The following EYS variants were observed in gnomAD, a reference collection of about 807,000 sequenced individuals.
The protein encoded by EYS is EGF-like photoreceptor maintenance factor.
EYS carries 250 observed loss-of-function variants against 282.1 expected under a neutral mutation model. The ratio of observed to expected loss-of-function variants is 0.89; its 90% CI spans 0.80 to 0.98. The LOEUF is 0.98. Ranked by LOEUF, EYS falls within the 50% of genes least tolerant of loss-of-function variation. The pLI, the probability that EYS is intolerant of heterozygous loss-of-function variation, is 0.00. For missense variants in EYS, 4,016 were observed against 3,709.0 expected, an observed-to-expected ratio of 1.08 and a Z score of -2.15; for synonymous variants, 1,355 against 1,282.9, an observed-to-expected ratio of 1.06 and a Z score of -1.20.
chr6:64,917,530 T>TTG (rs1159111741), intron 15 of EYS, among the ~76,000 whole-genome samples: 1 of 152,138 alleles, frequency 6.6e-6, no homozygotes, highest in Non-Finnish European at 1.5e-5. Flanking sequence ...CAGTAAAATG[T>TTG]TGTTTATCAG....
At chr6:64,781,106 G>A (rs879790554) in intron 22 of EYS, among the ~76,000 whole-genome samples, 3 of 151,780 alleles carry the variant, frequency 2.0e-5, no homozygotes, top group Non-Finnish European at 4.4e-5. Context: ...ATTCTTACCA[G>A]GAGAGGATAG....
intron 22 of EYS, among the ~76,000 whole-genome samples, chr6:64,783,837 T>G (rs1773936341): frequency 6.6e-6 from 1 of 152,160 alleles, no homozygotes; most frequent in Non-Finnish European, 1.5e-5. Flanking sequence ...AAAAGTAGAT[T>G]CGAACTTTCT....
chr6:63,878,854 G>A (rs575544107), intron 35 of EYS, among the ~76,000 whole-genome samples: 3 of 152,260 alleles, frequency 2.0e-5, no homozygotes, highest in Admixed American at 1.3e-4. Flanking sequence ...GGAGTGTCCC[G>A]ATTTTCCAGG....
chr6:64,438,987 T>G (rs1774843249), intron 27 of EYS, among the ~76,000 whole-genome samples, 175 bp downstream of exon 27: 1 of 151,698 alleles, frequency 6.6e-6, no homozygotes, highest in Admixed American at 6.6e-5. Context: ...AATACTTGGT[T>G]GTTGTTGGTT....
intron 28 of EYS, among the ~76,000 whole-genome samples, chr6:64,396,492 C>T (rs995537847): frequency 6.6e-6 from 1 of 151,812 alleles, no homozygotes; most frequent in Admixed American, 6.6e-5. Flanking sequence ...CAATCTTTTC[C>T]TTAATAATTA....
chr6:63,876,234 G>A (rs1772966137), intron 35 of EYS, among the ~76,000 whole-genome samples: 1 of 152,202 alleles, frequency 6.6e-6, no homozygotes, highest in African/African-American at 2.4e-5. Context: ...TATGTACCCA[G>A]TAGTCATTCA....
At chr6:64,915,766 A>G (rs1427397657) in intron 15 of EYS, among the ~76,000 whole-genome samples, 2 of 152,174 alleles carry the variant, frequency 1.3e-5, no homozygotes, top group Non-Finnish European at 2.9e-5. Context: ...CTTTCAATAA[A>G]GCTTTGAAAT....
intron 5 of EYS, among the ~76,000 whole-genome samples, chr6:65,450,869 T>G (rs1764371925): frequency 6.6e-6 from 1 of 152,164 alleles, no homozygotes. Context: ...TGTTAGCTCA[T>G]CATTAATATG....
At chr6:63,826,329 G>A (rs1771459704) in intron 36 of EYS, among the ~76,000 whole-genome samples, 1 of 152,170 alleles carries the variant, frequency 6.6e-6, no homozygotes, top group South Asian at 2.1e-4. Flanking sequence ...GGGGATAATT[G>A]AGGAAAACTT....
intron 26 of EYS, among the ~76,000 whole-genome samples, chr6:64,490,956 A>G (rs1776721735): frequency 6.6e-6 from 1 of 150,886 alleles, no homozygotes; most frequent in Non-Finnish European, 1.5e-5. Context: ...CACCACAGAC[A>G]CTAAAATCAA....
In EYS at chr6:63,958,492, G is replaced by A. The variant is rs149264307; in HGVS notation, c.7055+25891C>T. On this transcript the variant is annotated intron_variant, in intron 35 of 42. Coordinates refer to ENST00000503581, the MANE Select transcript of EYS (RefSeq NM_001142800.2). Reference sequence around the variant, plus strand: ...TCTCTTCATAACATAAAAGTGCAAGGTGAAGCAGCAAGTGCTGATGTACAA... The same window carrying A: ...TCTCTTCATAACATAAAAGTGCAAGATGAAGCAGCAAGTGCTGATGTACAA... Among the ~76,000 whole-genome samples, 23 of 152,324 alleles carry A rather than the reference G, an allele frequency of 1.5e-4. No individual in the cohort carries two copies. The East Asian group carries it at 4.2e-3, about 28-fold the overall frequency.
Position 65,127,208 on chromosome 6 carries a change from A to T in EYS, c.2024-69481T>A, listed in dbSNP as rs183651063. Among the ~76,000 whole-genome samples, 20 of 152,042 alleles carry T rather than the reference A, an allele frequency of 1.3e-4. 1 individual carries two copies. The East Asian group carries it at 2.1e-3, about 16-fold the overall frequency. On this transcript the variant is annotated intron_variant, in intron 12 of 42. Transcript: ENST00000503581. ...ATCCTTCAGTTAGAAGAAAAATACT[A>T]AAAAAATACTAAATAAACGAACAGA...
intron 2 of EYS, among the ~76,000 whole-genome samples, chr6:65,578,513 T>C (rs924795512): frequency 6.6e-6 from 1 of 151,792 alleles, no homozygotes; most frequent in African/African-American, 2.4e-5. Context: ...ATAAATATAA[T>C]AGATCTATTA....
At chr6:63,913,908 G>A (rs547442467) in intron 35 of EYS, among the ~76,000 whole-genome samples, 5 of 152,086 alleles carry the variant, frequency 3.3e-5, no homozygotes, top group Admixed American at 6.5e-5. Flanking sequence ...TTCCAACAGC[G>A]TATGCTTCTT....
At chr6:64,595,632 C>T (rs1766562075) in intron 24 of EYS, among the ~76,000 whole-genome samples, 1 of 152,116 alleles carries the variant, frequency 6.6e-6, no homozygotes, top group African/African-American at 2.4e-5. Context: ...AGCATTGTTT[C>T]CATACACCAA....
At chr6:65,189,332 G>A (rs929451172) in intron 12 of EYS, among the ~76,000 whole-genome samples, 2 of 151,468 alleles carry the variant, frequency 1.3e-5, no homozygotes, top group Admixed American at 6.6e-5. Context: ...GCAAAGTTTC[G>A]TTCATGATGT....
At chr6:64,599,280 G>T in intron 24 of EYS, among the ~76,000 whole-genome samples, 1 of 152,176 alleles carries the variant, frequency 6.6e-6, no homozygotes, top group Non-Finnish European at 1.5e-5. Context: ...TATTTGGGAA[G>T]CAGGGACTGA....
At chr6:64,158,938 G>GT (rs1177624462) in intron 31 of EYS, among the ~76,000 whole-genome samples, 1 of 152,174 alleles carries the variant, frequency 6.6e-6, no homozygotes, top group Non-Finnish European at 1.5e-5. Context: ...TGCAAGAATA[G>GT]TGTTGGGTGT....
chr6:64,476,513 G>T (rs1776270138), intron 26 of EYS, among the ~76,000 whole-genome samples: 1 of 151,964 alleles, frequency 6.6e-6, no homozygotes, highest in Non-Finnish European at 1.5e-5. Flanking sequence ...CTCTGTTGCA[G>T]AGTGAAAAAA....
Sources: allele counts gnomAD v4.1 joint callset (sites outside exome capture counted in the v4.1 genomes callset), GRCh38; gene constraint gnomAD v4.1.1; transcripts MANE v1.5; gene names NCBI Gene and HGNC (gene_info 2026-07-23, HGNC 2026-07-21).